The following DYSF variants were observed in gnomAD, a reference collection of about 807,000 sequenced individuals.
DYSF encodes the protein dysferlin, also known as dystrophy-associated fer-1-like 1.
In DYSF, 212 loss-of-function variants were observed where a neutral mutation model predicts 274.9. The ratio of observed to expected loss-of-function variants is 0.77; its 90% CI spans 0.69 to 0.86. DYSF has a LOEUF of 0.86. Among genes scored for constraint, DYSF ranks in the 40% least tolerant of loss-of-function variants. DYSF has a pLI of 0.00. For synonymous variants in DYSF, 1,091 were observed against 1,078.7 expected, an observed-to-expected ratio of 1.01 and a Z score of -0.22; for missense variants, 2,666 against 2,783.2, an observed-to-expected ratio of 0.96 and a Z score of 0.95.
chr2:71,684,674 T>C (rs550922255), intron 55 of DYSF, among the ~76,000 whole-genome samples: 1 of 152,172 alleles, frequency 6.6e-6, no homozygotes, highest in Non-Finnish European at 1.5e-5. Flanking sequence ...CTAGCAGCAG[T>C]AGCACCAGGG....
At chr2:71,539,270 C>T (rs1171670477) in intron 17 of DYSF, 31 bp downstream of exon 17, 1 of 1,589,782 alleles carries the variant, frequency 6.3e-7, no homozygotes, top group Non-Finnish European at 8.6e-7. Flanking sequence ...GCCCTTTGAC[C>T]CCCTGTGCTC....
At chr2:71,470,996 A>G (rs1166986185) in intron 1 of DYSF, among the ~76,000 whole-genome samples, 1 of 151,980 alleles carries the variant, frequency 6.6e-6, no homozygotes, top group African/African-American at 2.4e-5. Context: ...GGGTTTCACC[A>G]TGTTGCCCAG....
rs1305920372 is a variant in DYSF at position 71,466,881 on chromosome 2, C to T, written c.39C>T (p.Pro13=). The T allele has an allele frequency of 1.3e-6, 2 of 1,549,654 alleles. No homozygotes were observed. The highest frequency in any genetic ancestry group is 2.7e-5 in the African/African-American group (2 of 73,038). ...TGCTGGTGAGGGCCAGCAACCTCCC[C>T]AGTGCGAAGAAGGACCGGCGCAGCG... ...CCLLVRASNL[P]SAKKDRRSDP... The change falls in exon 1 of 56, where the codon CCC becomes CCT. Residue 13 remains proline, a synonymous_variant. Coordinates refer to ENST00000410020, the MANE Select transcript of DYSF (RefSeq NM_001130987.2).
chr2:71,662,665 ATGTGTCCG>A (rs2094908638), intron 45 of DYSF, among the ~76,000 whole-genome samples: 1 of 139,854 alleles, frequency 7.2e-6, no homozygotes, highest in African/African-American at 2.7e-5. Context: ...CTCTGTGTCC[ATGTGTCCG>A]TGTATGTGTG....
rs1573943032 is a variant in DYSF, at chr2:71,553,106, C to T, written c.1902C>T (p.Ser634=). 3 of 1,614,190 alleles carry T rather than the reference C, an allele frequency of 1.9e-6. 1 individual carries two copies. The highest frequency in any genetic ancestry group is 2.5e-6 in the Non-Finnish European group (3 of 1,180,048). ...DVDDAIQFEV[S]IGNYGNKFDM... ...ATGATGCCATCCAGTTTGAGGTCAG[C>T]ATCGGGAACTACGGGAACAAGTTCG... Residue 634 remains serine, a synonymous_variant, in exon 20 of 56, where the codon AGC becomes AGT. Transcript: ENST00000410020.
At chr2:71,519,228 A>G (rs1410714489) in intron 10 of DYSF, among the ~76,000 whole-genome samples, 2 of 152,086 alleles carry the variant, frequency 1.3e-5, no homozygotes, top group Admixed American at 6.6e-5. Context: ...ATAAAAAACT[A>G]AGTCTGTTTA....
intron 46 of DYSF, 148 bp downstream of exon 46, chr2:71,664,586 C>T (rs924300501): frequency 4.5e-6 from 4 of 896,660 alleles, no homozygotes; most frequent in Non-Finnish European, 7.1e-6. Flanking sequence ...AATGGGAGTC[C>T]TATCCCCACT....
At chr2:71,652,024 C>A (rs2094672875) in intron 42 of DYSF, among the ~76,000 whole-genome samples, 1 of 151,900 alleles carries the variant, frequency 6.6e-6, no homozygotes, top group Non-Finnish European at 1.5e-5. Flanking sequence ...AAGCTAACAG[C>A]CAACATCCAA....
At chr2:71,477,777 C>T (rs1394766971) in intron 1 of DYSF, among the ~76,000 whole-genome samples, 1 of 152,192 alleles carries the variant, frequency 6.6e-6, no homozygotes, top group Non-Finnish European at 1.5e-5. Flanking sequence ...CACATTGCAA[C>T]TTACTGTTAA....
intron 41 of DYSF, among the ~76,000 whole-genome samples, chr2:71,624,840 G>A (rs931205570): frequency 6.6e-6 from 1 of 151,980 alleles, no homozygotes. Flanking sequence ...GTATGCATTC[G>A]TAAAACTGGG....
At chr2:71,622,144 T>TTTTTTTTTTTTTTTTTTTTTTCCC (rs2094121999) in intron 41 of DYSF, among the ~76,000 whole-genome samples, 1 of 93,778 alleles carries the variant, frequency 1.1e-5, no homozygotes. Context: ...TTTTTTTTTT[T>TTTTTTTTTTTTTTTTTTTTTTCCC]TTGTTACGCC....
chr2:71,459,446 A>G (rs897497692), intron 1 of DYSF, among the ~76,000 whole-genome samples: 5 of 152,184 alleles, frequency 3.3e-5, no homozygotes, highest in African/African-American at 1.2e-4. Context: ...CAGGTGGACT[A>G]AGATCAAGCT....
intron 3 of DYSF, among the ~76,000 whole-genome samples, chr2:71,497,874 A>G (rs545783887): frequency 2.0e-4 from 31 of 152,306 alleles, no homozygotes; most frequent in African/African-American, 7.5e-4. Context: ...CTAAGTGTCT[A>G]ACTTCTTTGA....
intron 36 of DYSF, among the ~76,000 whole-genome samples, chr2:71,604,242 T>C (rs2152863659): frequency 6.6e-6 from 1 of 152,306 alleles, no homozygotes; most frequent in South Asian, 2.1e-4. Context: ...GCTCAGCCCA[T>C]GTCCTTCTCA....
chr2:71,460,938 GAA>G (rs61178408), intron 1 of DYSF, among the ~76,000 whole-genome samples: 50,030 of 125,968 alleles, frequency 0.4, 9,350 homozygotes, highest in East Asian at 0.6. Context: ...TGATAGACAG[GAA>G]AAAAAAAAAA....
chr2:71,489,152 G>A (rs1330744071), intron 3 of DYSF, among the ~76,000 whole-genome samples: 3 of 152,100 alleles, frequency 2.0e-5, no homozygotes, highest in South Asian at 4.1e-4. Flanking sequence ...CTGCCACAAC[G>A]GGGGTCTCCC....
At chr2:71,556,766 C>A (rs1187653218) in intron 22 of DYSF, among the ~76,000 whole-genome samples, 1 of 152,204 alleles carries the variant, frequency 6.6e-6, no homozygotes, top group African/African-American at 2.4e-5. Flanking sequence ...GGAAGCTTCT[C>A]TTCTCTGGAC....
At chr2:71,527,031 G>A (rs1416043983) in intron 13 of DYSF, among the ~76,000 whole-genome samples, 1 of 152,238 alleles carries the variant, frequency 6.6e-6, no homozygotes, top group Admixed American at 6.5e-5. Context: ...AAATGCTGGG[G>A]AGTTATACCG....
intron 1 of DYSF, among the ~76,000 whole-genome samples, chr2:71,460,992 A>T (rs2081262073): frequency 6.6e-6 from 1 of 152,100 alleles, no homozygotes; most frequent in Non-Finnish European, 1.5e-5. Flanking sequence ...AATATCCAAA[A>T]GTCCCTCTAG....
Sources: gnomAD v4.1 joint callset for allele counts (sites outside exome capture counted in the v4.1 genomes callset) on GRCh38, gnomAD v4.1.1 for gene constraint, MANE v1.5 for transcripts, NCBI Gene and HGNC (gene_info 2026-07-23, HGNC 2026-07-21) for gene names.